GGNBP2: variants seen among roughly 807,000 people sequenced by gnomAD.
GGNBP2 encodes gametogenetin-binding protein 2.
GGNBP2 carries 10 observed loss-of-function variants against 85.9 expected under a neutral mutation model. The ratio of observed to expected loss-of-function variants is 0.12; its 90% CI spans 0.07 to 0.20. The LOEUF (loss-of-function observed/expected upper bound fraction) is 0.20, where lower values mean the gene tolerates loss of function less well. Among genes scored for constraint, GGNBP2 ranks in the 10% least tolerant of loss-of-function variants. The pLI, the probability that GGNBP2 is intolerant of heterozygous loss-of-function variation, is 1.00. For synonymous variants in GGNBP2, 287 were observed against 285.7 expected (o/e 1.00, Z -0.05); for missense variants, 595 against 857.8 (o/e 0.69, Z 3.83).
In GGNBP2 at chr17:36,589,528, T is replaced by C. The variant is rs192334421; in HGVS notation, c.*117T>C. 1 of 725,826 alleles carries C rather than the reference T, an allele frequency of 1.4e-6. No individual in the cohort carries two copies. Among genetic ancestry groups the C allele is most frequent in the East Asian group, 2.6e-5 (1 of 38,096 alleles). 45.0% of individuals were successfully genotyped at this position (725,826 alleles called of 1,614,324 possible). A position where few individuals can be genotyped will look rare whatever the true frequency, so the allele number is the denominator to read the frequency against. On this transcript the variant is annotated 3_prime_UTR_variant, in exon 14 of 14. Coordinates refer to ENST00000613102, the MANE Select transcript of GGNBP2 (RefSeq NM_024835.5). The stretch of plus-strand genomic sequence containing the variant: ...AAAATTTTATCTTAAATCAATGTGA[T>C]TCTTTCTTGTTTTGGGAGACGGTGG...
intron 4 of GGNBP2, 92 bp downstream of exon 4, chr17:36,557,428 G>A (rs2074373409): frequency 6.5e-6 from 7 of 1,080,332 alleles, no homozygotes; most frequent in Non-Finnish European, 6.8e-6. Flanking sequence ...GAAAGATTGA[G>A]TCTGATTTAA....
At chr17:36,568,967 G>C (rs930888445) in intron 6 of GGNBP2, among the ~76,000 whole-genome samples, 1 of 152,050 alleles carries the variant, frequency 6.6e-6, no homozygotes, top group Non-Finnish European at 1.5e-5. Context: ...TGTTTGCCAG[G>C]ATGGTCTCAG....
At chr17:36,552,205 A>G (rs1413922396) in intron 2 of GGNBP2, among the ~76,000 whole-genome samples, 5 of 152,206 alleles carry the variant, frequency 3.3e-5, no homozygotes, top group African/African-American at 7.2e-5. Context: ...CTAAAAGTTT[A>G]TACCTTTTTA....
At chr17:36,549,728 C>T (rs920841645) in intron 2 of GGNBP2, among the ~76,000 whole-genome samples, 1 of 151,888 alleles carries the variant, frequency 6.6e-6, no homozygotes, top group African/African-American at 2.4e-5. Flanking sequence ...TGTAATATTC[C>T]GTTGTATGAC....
chr17:36,589,172 T>C, intron 13 of GGNBP2, 36 bp from the exon 14 acceptor site: 3 of 1,487,444 alleles, frequency 2.0e-6, no homozygotes, highest in Non-Finnish European at 2.8e-6. Context: ...TTTTGCATTC[T>C]TAAGTCATAG....
At position 36,581,349 on chromosome 17, in the gene GGNBP2, C is replaced by A; in HGVS notation, c.1026C>A (p.Thr342=). 6.3e-7 allele frequency: 1 copy of A among 1,583,342 alleles called. No homozygotes were observed. The highest frequency in any genetic ancestry group is 1.9e-5 in the Admixed American group (1 of 53,416). The change falls in exon 9 of 14, where the codon ACC becomes ACA. Residue 342 remains threonine, a synonymous_variant. Coordinates refer to ENST00000613102, the MANE Select transcript of GGNBP2 (RefSeq NM_024835.5). ...VDALRKSFEM[T]VEKVQGISRL... ...CAACCTTATTTTTATAATAGATGAC[C>A]GTGGAAAAAGTACAGGGTATTAGCA... is the stretch of plus-strand genomic sequence containing the variant.
intron 9 of GGNBP2, among the ~76,000 whole-genome samples, chr17:36,584,254 C>T (rs2074678720): frequency 6.6e-6 from 1 of 152,222 alleles, no homozygotes; most frequent in African/African-American, 2.4e-5. Context: ...GAAAAAAGTT[C>T]AGCTTGCACC....
chr17:36,583,703 T>C (rs967236374), intron 9 of GGNBP2, among the ~76,000 whole-genome samples: 1 of 152,158 alleles, frequency 6.6e-6, no homozygotes, highest in Non-Finnish European at 1.5e-5. Context: ...GCTTAGGCAG[T>C]CTGCCCGCTT....
rs908357134 is a variant in GGNBP2, at chr17:36,575,124, T to C, written c.642-2859T>C. 6.7e-6 allele frequency: 5 copies of C among 744,838 alleles called. No homozygotes were observed. In the African/African-American group the frequency reaches 8.5e-5, roughly 13 times the overall value. 46.1% of individuals were successfully genotyped at this position (744,838 alleles called of 1,614,324 possible). A position where few individuals can be genotyped will look rare whatever the true frequency, so the allele number is the denominator to read the frequency against. On this transcript the variant is annotated intron_variant, in intron 6 of 13. Coordinates refer to ENST00000613102, the MANE Select transcript of GGNBP2 (RefSeq NM_024835.5). The stretch of plus-strand genomic sequence containing the variant: ...ATCTCCTCCAGGGACTTGATCTTCA[T>C]GTGCTTGACCAGGCGGCCCAGCTTG...
At chr17:36,558,309 A>G (rs12603391) in intron 4 of GGNBP2, among the ~76,000 whole-genome samples, 67,440 of 140,240 alleles carry the variant, frequency 0.48, 15,676 homozygotes, top group Middle Eastern at 0.56. Flanking sequence ...CAGCTACTCG[A>G]GAGGCTGAGG....
At chr17:36,575,613 C>CATATATATATATATATAT (rs776677029) in intron 6 of GGNBP2, among the ~76,000 whole-genome samples, 4 of 66,934 alleles carry the variant, frequency 6.0e-5, no homozygotes, top group Non-Finnish European at 7.1e-5. Context: ...TCTAATGTAA[C>CATATATATATATATATAT]ATATATATAT....
intron 6 of GGNBP2, among the ~76,000 whole-genome samples, chr17:36,568,308 T>C (rs1300634864): frequency 2.0e-5 from 3 of 151,900 alleles, no homozygotes; most frequent in Non-Finnish European, 1.5e-5. Flanking sequence ...TTTTTTTTTT[T>C]CTTTTTGAGA....
intron 6 of GGNBP2, among the ~76,000 whole-genome samples, chr17:36,572,964 C>A (rs540206515): frequency 1.3e-5 from 2 of 151,998 alleles, no homozygotes; most frequent in East Asian, 3.9e-4. Flanking sequence ...TTTACTTAGC[C>A]ATTATCTAAG....
intron 6 of GGNBP2, among the ~76,000 whole-genome samples, chr17:36,570,604 G>A (rs2074513721): frequency 6.6e-6 from 1 of 152,194 alleles, no homozygotes. Flanking sequence ...GGAGGCTGAG[G>A]CAGGAGAATC....
Position 36,571,407 on chromosome 17 carries a change from G to A in GGNBP2, c.641+3631G>A, listed in dbSNP as rs1026233226. 5.9e-5 allele frequency among the ~76,000 whole-genome samples: 9 copies of A among 151,920 alleles called. No individual in the cohort carries two copies. In the East Asian group the frequency reaches 1.6e-3, roughly 26 times the overall value. On this transcript the variant is annotated intron_variant, in intron 6 of 13. Transcript: ENST00000613102. ...TCTACTAAAAATACAAAAATTAGCC[G>A]GGCTTGGTGGCGTGTGCCTGTAATC... is the stretch of plus-strand genomic sequence containing the variant.
At chr17:36,575,403 T>G (rs1555607551) in intron 6 of GGNBP2, 1 of 271,156 alleles carries the variant, frequency 3.7e-6, no homozygotes, top group African/African-American at 2.3e-5. Flanking sequence ...CAGGAAATCA[T>G]CACTTAGTCC....
At position 36,545,603 on chromosome 17, in the gene GGNBP2, G is replaced by C; in HGVS notation, c.-106-16G>C. ...CAGCGGCGGGTGCTTACGCTCGCGG[G>C]GTTTGGCTGTTGCAGGCAGGAGCTG... On this transcript the variant is annotated splice_polypyrimidine_tract_variant and intron_variant, in intron 1 of 13. Coordinates refer to ENST00000613102, the MANE Select transcript of GGNBP2 (RefSeq NM_024835.5). The C allele has an allele frequency of 1.4e-6, 1 of 721,182 alleles. No individual in the cohort carries two copies. Among genetic ancestry groups the C allele is most frequent in the Non-Finnish European group, 2.4e-6 (1 of 420,648 alleles). The allele number at this position is 721,182 out of a possible 1,614,324, so 44.7% of individuals were successfully genotyped here. A position where few individuals can be genotyped will look rare whatever the true frequency, so the allele number is the denominator to read the frequency against.
intron 10 of GGNBP2, 192 bp downstream of exon 10, chr17:36,585,642 C>T (rs873944): frequency 0.053 from 32,710 of 613,660 alleles, 1,032 homozygotes; most frequent in Non-Finnish European, 0.066. Context: ...TTGACAAAAA[C>T]GAAAAATGGT....
rs769459745 is a variant in GGNBP2 at position 36,581,315 on chromosome 17, A to G, written c.1021-29A>G. On this transcript the variant is annotated intron_variant, in intron 8 of 13. Transcript: ENST00000613102. ...AAAAAGAAAAGAAGTTCTGACCAAT[A>G]TTCACCCTCAACCTTATTTTTATAA... 13 of 1,457,114 alleles carry G rather than the reference A, an allele frequency of 8.9e-6. No individual in the cohort carries two copies. The African/African-American group carries it at 1.7e-4, about 19-fold the overall frequency. The allele number at this position is 1,457,114 out of a possible 1,614,324, so 90.3% of individuals were successfully genotyped here. A position where few individuals can be genotyped will look rare whatever the true frequency, so the allele number is the denominator to read the frequency against.
Sources: allele counts gnomAD v4.1 joint callset (sites outside exome capture counted in the v4.1 genomes callset), GRCh38; gene constraint gnomAD v4.1.1; transcripts MANE v1.5; gene names NCBI Gene and HGNC (gene_info 2026-07-23, HGNC 2026-07-21).